The following OLFM3 variants were observed in gnomAD, a reference collection of about 807,000 sequenced individuals.
The protein encoded by OLFM3 is olfactomedin 3.
OLFM3 carries 20 observed loss-of-function variants against 48.6 expected under a neutral mutation model. The observed-to-expected ratio is 0.41, with a 90% CI of 0.29 to 0.60. The LOEUF is 0.60. OLFM3 is among the 20% of genes least tolerant of loss of function. The pLI, the probability that OLFM3 is intolerant of heterozygous loss-of-function variation, is 0.28. For synonymous variants in OLFM3, 222 were observed against 198.1 expected (o/e 1.12, Z -1.01); for missense variants, 437 against 544.3 (o/e 0.80, Z 1.96).
At chr1:101,989,033 G>A (rs1661327709) in intron 1 of OLFM3, among the ~76,000 whole-genome samples, 1 of 152,042 alleles carries the variant, frequency 6.6e-6, no homozygotes, top group Non-Finnish European at 1.5e-5. Flanking sequence ...TATTCTAGGG[G>A]TTCTTAGTTT....
At chr1:101,945,257 A>G (rs1292778858) in intron 1 of OLFM3, among the ~76,000 whole-genome samples, 1 of 152,202 alleles carries the variant, frequency 6.6e-6, no homozygotes, top group Non-Finnish European at 1.5e-5. Context: ...AAAACAACTC[A>G]AATGTCTATC....
At chr1:101,924,653 G>A (rs534865133) in intron 1 of OLFM3, among the ~76,000 whole-genome samples, 10 of 152,184 alleles carry the variant, frequency 6.6e-5, no homozygotes, top group African/African-American at 2.4e-4. Flanking sequence ...ATTTCCACTT[G>A]CATCCTCCAA....
Position 101,804,517 on chromosome 1 carries a change from G to A in OLFM3, c.1098C>T (p.Ser366=). 1 of 1,612,734 alleles carries A rather than the reference G, an allele frequency of 6.2e-7. No individual in the cohort carries two copies. The highest frequency in any genetic ancestry group is 8.5e-7 in the Non-Finnish European group (1 of 1,179,168). The part of the protein sequence containing the change: ...QDTLEVMKSW[S]TGYPKRSAGE... The stretch of plus-strand genomic sequence containing the variant: ...CTGCACTTCTCTTGGGGTAGCCAGT[G>A]CTCCAGCTCTTCATCACCTCCAAGG... Residue 366 remains serine, a synonymous_variant, in exon 6 of 6, where the codon AGC becomes AGT. Coordinates refer to ENST00000370103, the MANE Select transcript of OLFM3 (RefSeq NM_058170.4). The surrounding 1 kb of genome is among the most constrained non-coding windows in gnomAD (Gnocchi z 4.5).
At chr1:101,979,685 T>G (rs11591058) in intron 1 of OLFM3, among the ~76,000 whole-genome samples, 22,087 of 152,166 alleles carry the variant, frequency 0.15, 2,154 homozygotes, top group Non-Finnish European at 0.19. Context: ...GGAAAACCTC[T>G]GCTAGGGCGG....
intron 1 of OLFM3, among the ~76,000 whole-genome samples, chr1:101,916,208 A>T (rs777360888): frequency 2.0e-5 from 3 of 152,132 alleles, no homozygotes; most frequent in African/African-American, 4.8e-5. Context: ...AACAAACCCT[A>T]TCTTTAAAAG....
At chr1:101,950,038 A>G (rs1181713461) in intron 1 of OLFM3, among the ~76,000 whole-genome samples, 1 of 151,720 alleles carries the variant, frequency 6.6e-6, no homozygotes, top group Non-Finnish European at 1.5e-5. Context: ...AAAAAAAAAA[A>G]AAAAAAAAAA....
intron 1 of OLFM3, among the ~76,000 whole-genome samples, chr1:101,925,037 AT>A (rs200044496): frequency 0.012 from 1,888 of 152,276 alleles, 51 homozygotes; most frequent in African/African-American, 0.043. Context: ...AAAACATTCA[AT>A]TTATGTTTAA....
chr1:101,849,341 G>A (rs1193858136), intron 1 of OLFM3, among the ~76,000 whole-genome samples: 9 of 152,174 alleles, frequency 5.9e-5, no homozygotes, highest in Non-Finnish European at 1.3e-4. Context: ...GAGAAGTAGC[G>A]GACTGTGTTT....
At chr1:101,822,731 A>C (rs933603507) in intron 4 of OLFM3, among the ~76,000 whole-genome samples, 9 of 152,164 alleles carry the variant, frequency 5.9e-5, no homozygotes, top group Non-Finnish European at 2.9e-5. Context: ...CCATCTGGCA[A>C]GCCCTGTCAC....
chr1:101,944,331 C>T (rs371458756), intron 1 of OLFM3, among the ~76,000 whole-genome samples: 1 of 152,010 alleles, frequency 6.6e-6, no homozygotes, highest in Non-Finnish European at 1.5e-5. Context: ...TTGCATATGA[C>T]TTCATTGTAA....
At chr1:101,916,761 T>C (rs1658940947) in intron 1 of OLFM3, among the ~76,000 whole-genome samples, 2 of 152,176 alleles carry the variant, frequency 1.3e-5, no homozygotes, top group African/African-American at 4.8e-5. Flanking sequence ...GTCAAAGAGT[T>C]TTTGTGATTG....
At chr1:101,970,143 G>C (rs964797151) in intron 1 of OLFM3, among the ~76,000 whole-genome samples, 1 of 151,832 alleles carries the variant, frequency 6.6e-6, no homozygotes, top group Non-Finnish European at 1.5e-5. Flanking sequence ...AGCCTCCCTA[G>C]TAACTGGGAC....
At chr1:101,824,647 AACAACAAC>A (rs1181004648) in intron 4 of OLFM3, among the ~76,000 whole-genome samples, 6 of 9,802 alleles carry the variant, frequency 6.1e-4, no homozygotes, top group Non-Finnish European at 1.7e-3. Flanking sequence ...CTAACCAAAC[AACAACAAC>A]AACAACAACA....
chr1:101,854,489 T>G (rs577552896), intron 1 of OLFM3, among the ~76,000 whole-genome samples: 1 of 151,948 alleles, frequency 6.6e-6, no homozygotes, highest in Admixed American at 6.6e-5. Context: ...GGAGAAAAAA[T>G]GGATGTGTGG....
At chr1:101,978,756 C>G (rs1166257783) in intron 1 of OLFM3, among the ~76,000 whole-genome samples, 2 of 152,114 alleles carry the variant, frequency 1.3e-5, no homozygotes, top group African/African-American at 2.4e-5. Context: ...CATTGCAGTA[C>G]TTTATGCGCT....
intron 4 of OLFM3, among the ~76,000 whole-genome samples, chr1:101,815,400 T>C (rs1654282018): frequency 6.7e-6 from 1 of 148,224 alleles, no homozygotes; most frequent in African/African-American, 2.5e-5. Context: ...TGAGCCGAGA[T>C]CGCGCCACTG....
chr1:101,962,395 A>G (rs1487267377), intron 1 of OLFM3, among the ~76,000 whole-genome samples: 1 of 152,158 alleles, frequency 6.6e-6, no homozygotes, highest in Middle Eastern at 3.2e-3. Context: ...AAATACAGAA[A>G]CACCAAATAA....
chr1:101,985,758 G>A (rs1186005397), intron 1 of OLFM3, among the ~76,000 whole-genome samples: 1 of 152,072 alleles, frequency 6.6e-6, no homozygotes, highest in East Asian at 1.9e-4. Flanking sequence ...AAGCCATAGT[G>A]CTTGGGATGT....
intron 1 of OLFM3, among the ~76,000 whole-genome samples, chr1:101,972,936 G>T (rs977864624): frequency 6.6e-6 from 1 of 151,918 alleles, no homozygotes; most frequent in Non-Finnish European, 1.5e-5. Flanking sequence ...CCTCCTCTGC[G>T]GCAATGGCAA....
Sources: allele counts gnomAD v4.1 joint callset (sites outside exome capture counted in the v4.1 genomes callset), GRCh38; gene constraint gnomAD v4.1.1; non-coding constraint Gnocchi (gnomAD v3.1); transcripts MANE v1.5; gene names NCBI Gene and HGNC (gene_info 2026-07-23, HGNC 2026-07-21).